Variants in LRBA observed in about 807,000 individuals in gnomAD.
The protein encoded by LRBA is LPS responsive beige-like anchor protein.
A neutral mutation model predicts 330.0 loss-of-function variants in LRBA; 176 were observed. The ratio of observed to expected loss-of-function variants is 0.53; its 90% CI spans 0.47 to 0.60. The LOEUF (loss-of-function observed/expected upper bound fraction) is 0.60, where lower values mean the gene tolerates loss of function less well. Among genes scored for constraint, LRBA ranks in the 20% least tolerant of loss-of-function variants. LRBA has a pLI of 0.00. For missense variants in LRBA, 3,259 were observed against 3,444.8 expected, an observed-to-expected ratio of 0.95 and a Z score of 1.35; for synonymous variants, 1,230 against 1,193.0, an observed-to-expected ratio of 1.03 and a Z score of -0.64.
intron 5 of LRBA, among the ~76,000 whole-genome samples, chr4:150,918,913 T>C (rs552831551): frequency 6.6e-6 from 1 of 152,286 alleles, no homozygotes; most frequent in South Asian, 2.1e-4. Flanking sequence ...AATCTAGAGA[T>C]TGGGACAAAT....
At chr4:150,490,019 C>G (rs1294383638) in intron 41 of LRBA, among the ~76,000 whole-genome samples, 1 of 151,296 alleles carries the variant, frequency 6.6e-6, no homozygotes, top group East Asian at 1.9e-4. Context: ...TCCTTTGGGA[C>G]AGCAAGGATG....
At chr4:150,833,372 A>C (rs1363633615) in intron 28 of LRBA, among the ~76,000 whole-genome samples, 1 of 152,192 alleles carries the variant, frequency 6.6e-6, no homozygotes, top group East Asian at 1.9e-4. Context: ...CAAAGGCTCA[A>C]GCAGAAGGTA....
intron 40 of LRBA, among the ~76,000 whole-genome samples, chr4:150,510,188 T>C (rs948558207): frequency 6.6e-6 from 1 of 151,942 alleles, no homozygotes; most frequent in African/African-American, 2.4e-5. Flanking sequence ...CAAGAAGAAA[T>C]AGATTGCATA....
chr4:150,447,373 G>A (rs1207131398), intron 44 of LRBA, among the ~76,000 whole-genome samples: 1 of 152,192 alleles, frequency 6.6e-6, no homozygotes, highest in Non-Finnish European at 1.5e-5. Flanking sequence ...CCAATCTGCT[G>A]AGGATCTGAA....
chr4:150,355,846 T>C (rs1006870885), intron 47 of LRBA, among the ~76,000 whole-genome samples: 1 of 152,054 alleles, frequency 6.6e-6, no homozygotes, highest in Non-Finnish European at 1.5e-5. Flanking sequence ...GGAACTGACA[T>C]TGAGATTGGC....
chr4:150,976,996 A>G (rs1005701219), intron 2 of LRBA, among the ~76,000 whole-genome samples: 1 of 152,234 alleles, frequency 6.6e-6, no homozygotes, highest in Non-Finnish European at 1.5e-5. Context: ...ACCGTGGCTT[A>G]AAGTGCTTGG....
chr4:150,387,533 G>T (rs1743268658), intron 47 of LRBA, among the ~76,000 whole-genome samples: 1 of 152,034 alleles, frequency 6.6e-6, no homozygotes, highest in Non-Finnish European at 1.5e-5. Context: ...CTTCATCAGG[G>T]TTATTAAGGT....
intron 36 of LRBA, among the ~76,000 whole-genome samples, chr4:150,696,765 G>A (rs1388024070): frequency 1.3e-5 from 2 of 151,730 alleles, no homozygotes; most frequent in African/African-American, 2.4e-5. Context: ...CAGCACTTTG[G>A]GAGGCGAGGC....
chr4:150,685,414 A>ACT (rs1561513893), intron 36 of LRBA, among the ~76,000 whole-genome samples: 3 of 19,400 alleles, frequency 1.5e-4, no homozygotes, highest in African/African-American at 5.7e-4. Flanking sequence ...ATATATATAT[A>ACT]TATATATTTT....
At chr4:150,527,422 T>G (rs761754304) in intron 40 of LRBA, among the ~76,000 whole-genome samples, 4 of 152,218 alleles carry the variant, frequency 2.6e-5, no homozygotes, top group Non-Finnish European at 5.9e-5. Flanking sequence ...CTAAAGATTA[T>G]TTCAGATATT....
intron 42 of LRBA, 62 bp from the exon 43 acceptor site, chr4:150,471,801 A>T (rs1306759550): frequency 1.2e-6 from 1 of 811,590 alleles, no homozygotes; most frequent in Non-Finnish European, 2.1e-6. Context: ...ATCATGAATT[A>T]TCTGTGCTTA....
rs114280113 is a variant in LRBA at position 150,771,597 on chromosome 4, C to G, written c.5581-9750G>C. On this transcript the variant is annotated intron_variant, in intron 34 of 56. Transcript: ENST00000651943. ...CTACTCTGATAAGAACAAAATGCTG[C>G]CCCTTCTATGATGGAAGGGGTCAAA... 7.7e-3 allele frequency among the ~76,000 whole-genome samples: 1,176 copies of G among 152,214 alleles called. 12 individuals are homozygous for G. The highest frequency in any genetic ancestry group is 0.027 in the African/African-American group (1,121 of 41,526).
intron 34 of LRBA, among the ~76,000 whole-genome samples, chr4:150,794,998 T>G (rs1233214691): frequency 6.6e-6 from 1 of 152,068 alleles, no homozygotes; most frequent in Non-Finnish European, 1.5e-5. Context: ...GCCATACACA[T>G]TATTTATTTA....
intron 40 of LRBA, among the ~76,000 whole-genome samples, chr4:150,541,139 T>C (rs1366225522): frequency 2.6e-5 from 4 of 152,184 alleles, no homozygotes; most frequent in South Asian, 2.1e-4. Context: ...TCAAATAGTA[T>C]AAAGGCTCGG....
intron 30 of LRBA, among the ~76,000 whole-genome samples, chr4:150,826,165 G>T (rs62346349): frequency 0.089 from 13,496 of 152,160 alleles, 1,039 homozygotes; most frequent in African/African-American, 0.22. Flanking sequence ...TCTAAGGCTA[G>T]ATTTAATGCC....
chr4:150,589,587 C>T (rs1374667341), intron 39 of LRBA, among the ~76,000 whole-genome samples: 1 of 152,208 alleles, frequency 6.6e-6, no homozygotes, highest in East Asian at 1.9e-4. Flanking sequence ...CATTCAATTA[C>T]AGGGTAAGCA....
intron 47 of LRBA, among the ~76,000 whole-genome samples, chr4:150,379,030 T>C (rs2151883778): frequency 6.6e-6 from 1 of 152,094 alleles, no homozygotes; most frequent in African/African-American, 2.4e-5. Flanking sequence ...CCAGGCATGG[T>C]GGCTCATGCC....
rs1778439084 is a variant in LRBA at position 150,639,815 on chromosome 4, GTGTGTATATATATATATATATATATA to G, written c.5922-40710_5922-40685del. On this transcript the variant is annotated intron_variant, in intron 37 of 56. Coordinates refer to ENST00000651943, the MANE Select transcript of LRBA (RefSeq NM_001364905.1). Reference sequence around the variant, plus strand: ...TGTATATATATATATATGTGTGTGTGTGTGTATATATATATATATATATATATATATATATATATATATATATATAT... The same window carrying G: ...TGTATATATATATATATGTGTGTGTGTATATATATATATATATATATATAT... 1.6e-3 allele frequency among the ~76,000 whole-genome samples: 8 copies of G among 4,886 alleles called. 1 individual carries two copies. Among genetic ancestry groups the G allele is most frequent in the African/African-American group, 2.5e-3 (6 of 2,396 alleles). 3.2% of individuals were successfully genotyped at this position (4,886 alleles called of 152,430 possible). A position where few individuals can be genotyped will look rare whatever the true frequency, so the allele number is the denominator to read the frequency against.
At chr4:151,007,622 C>T (rs1237884704) in intron 2 of LRBA, among the ~76,000 whole-genome samples, 1 of 151,780 alleles carries the variant, frequency 6.6e-6, no homozygotes, top group Admixed American at 6.6e-5. Flanking sequence ...CTTTGAGAGG[C>T]CGAGATAGGC....
Sources: gnomAD v4.1 joint callset for allele counts (sites outside exome capture counted in the v4.1 genomes callset) on GRCh38, gnomAD v4.1.1 for gene constraint, MANE v1.5 for transcripts, NCBI Gene and HGNC (gene_info 2026-07-23, HGNC 2026-07-21) for gene names.